SS18: variants seen among roughly 807,000 people sequenced by gnomAD.
SS18 encodes SS18 subunit of BAF chromatin remodeling complex.
A neutral mutation model predicts 72.5 loss-of-function variants in SS18; 28 were observed. That is an observed-to-expected ratio of 0.39 (90% CI 0.29 to 0.53). The LOEUF is 0.53. SS18 is among the 20% of genes least tolerant of loss of function. The pLI is 0.76. For missense variants in SS18, 518 were observed against 535.3 expected (o/e 0.97, Z 0.32); for synonymous variants, 172 against 164.2 (o/e 1.05, Z -0.37).
intron 10 of SS18, among the ~76,000 whole-genome samples, chr18:26,023,816 G>C (rs1036680474): frequency 1.3e-5 from 2 of 150,472 alleles, no homozygotes; most frequent in African/African-American, 5.0e-5. Context: ...ACCAAAAACG[G>C]TAACTACATG....
intron 5 of SS18, among the ~76,000 whole-genome samples, chr18:26,040,350 G>A (rs2053702227): frequency 6.6e-6 from 1 of 152,098 alleles, no homozygotes; most frequent in African/African-American, 2.4e-5. Context: ...AGGTTTACTG[G>A]GCCAAGTTAC....
At chr18:26,071,588 T>G (rs916444513) in intron 3 of SS18, among the ~76,000 whole-genome samples, 7 of 152,120 alleles carry the variant, frequency 4.6e-5, no homozygotes, top group African/African-American at 1.7e-4. Flanking sequence ...CCCAGAACTT[T>G]GGGAGGCCAA....
chr18:26,051,153 T>A (rs1259388313), intron 5 of SS18, among the ~76,000 whole-genome samples: 1 of 152,150 alleles, frequency 6.6e-6, no homozygotes, highest in Non-Finnish European at 1.5e-5. Context: ...CTGGGCAACA[T>A]ACCAAGACAT....
intron 10 of SS18, among the ~76,000 whole-genome samples, chr18:26,025,995 A>C (rs2053439188): frequency 6.6e-6 from 1 of 152,226 alleles, no homozygotes; most frequent in South Asian, 2.1e-4. Flanking sequence ...GTAATTTATT[A>C]AACACTGCAC....
intron 2 of SS18, chr18:26,083,984 G>A (rs768750971): frequency 3.9e-5 from 6 of 152,076 alleles, no homozygotes; most frequent in Non-Finnish European, 7.4e-5. Flanking sequence ...CTAGCACTCA[G>A]ATCTTAGTTT....
At chr18:26,056,993 A>G (rs912857005) in intron 4 of SS18, among the ~76,000 whole-genome samples, 3 of 152,372 alleles carry the variant, frequency 2.0e-5, no homozygotes, top group Admixed American at 6.5e-5. Flanking sequence ...AGAATGGCTC[A>G]GTGTATAAAT....
chr18:26,090,428 C>G lies in SS18; in HGVS notation c.69+73G>C, dbSNP rs1040706619. The G allele has an allele frequency of 4.7e-6, 7 of 1,475,570 alleles. No homozygotes were observed. The African/African-American group carries it at 9.8e-5, about 21-fold the overall frequency. The allele number at this position is 1,475,570 out of a possible 1,614,324, so 91.4% of individuals were successfully genotyped here. ...GCCTCGGCCCGGTCGACTCCGGGCC[C>G]GGCCCTTCCCCCCGCGTCTGTCTCT... On this transcript the variant is annotated intron_variant, in intron 1 of 10. Coordinates refer to ENST00000415083, the MANE Select transcript of SS18 (RefSeq NM_001007559.3).
rs143271099 is a variant in SS18, at chr18:26,032,120, T to G, written c.1230+279A>C. Among the ~76,000 whole-genome samples the G allele has an allele frequency of 7.8e-3, 1,184 of 152,112 alleles. 11 individuals are homozygous for G. Among genetic ancestry groups the G allele is most frequent in the African/African-American group, 0.026 (1,086 of 41,496 alleles). Reference sequence around the variant, plus strand: ...TCAGTAAACAAAGTATGCCTGAGGGTAAAGACCACAGAGCAAGAGGGGGAG... The same window carrying G: ...TCAGTAAACAAAGTATGCCTGAGGGGAAAGACCACAGAGCAAGAGGGGGAG... On this transcript the variant is annotated intron_variant, in intron 10 of 10. Coordinates refer to ENST00000415083, the MANE Select transcript of SS18 (RefSeq NM_001007559.3).
chr18:26,085,807 A>G (rs1391870542), intron 2 of SS18: 1 of 152,222 alleles, frequency 6.6e-6, no homozygotes, highest in Admixed American at 6.5e-5. Flanking sequence ...GGGAAAAAGT[A>G]ATGGAAACTT....
intron 10 of SS18, among the ~76,000 whole-genome samples, chr18:26,021,973 C>T (rs1444653727): frequency 6.6e-6 from 1 of 151,994 alleles, no homozygotes; most frequent in Non-Finnish European, 1.5e-5. Context: ...GAACTGAGAC[C>T]TTGTGAATAA....
At chr18:26,085,665 AC>A (rs2054602722) in intron 2 of SS18, among the ~76,000 whole-genome samples, 1 of 152,204 alleles carries the variant, frequency 6.6e-6, no homozygotes, top group Non-Finnish European at 1.5e-5. Flanking sequence ...AGAAGCAGTT[AC>A]CCCTATGGAG....
Position 26,052,849 on chromosome 18 carries a change from T to A in SS18, c.386-4A>T. ...TGCATAGGCATATGGTTAGGCCCTT[T>A]GAAGAAAAATGATCAGAAGCAAAAT... is the stretch of plus-strand genomic sequence containing the variant. On this transcript the variant is annotated splice_region_variant and splice_polypyrimidine_tract_variant and intron_variant, in intron 4 of 10. Coordinates refer to ENST00000415083, the MANE Select transcript of SS18 (RefSeq NM_001007559.3). The A allele has an allele frequency of 6.2e-7, 1 of 1,609,190 alleles. No homozygotes were observed. Among genetic ancestry groups the A allele is most frequent in the Non-Finnish European group, 8.5e-7 (1 of 1,176,104 alleles).
rs569501863 is a variant in SS18 at position 26,059,593 on chromosome 18, A to C, written c.232-1851T>G. Among the ~76,000 whole-genome samples, 37 of 152,152 alleles carry C rather than the reference A, an allele frequency of 2.4e-4. No homozygotes were observed. In the South Asian group the frequency reaches 6.2e-3, roughly 26 times the overall value. On this transcript the variant is annotated intron_variant, in intron 3 of 10. Transcript: ENST00000415083. ...AGAGGAGCCTTCATAAATAACTCCAACTCTCTGTTGAGACTACAGAAGGGC... is the reference window on the plus strand; with the variant it reads ...AGAGGAGCCTTCATAAATAACTCCACCTCTCTGTTGAGACTACAGAAGGGC...
At chr18:26,090,783 G>A, upstream of SS18, 2 of 594,426 alleles carry the variant, frequency 3.4e-6, no homozygotes, top group Non-Finnish European at 5.9e-6. Context: ...CCTAGCCCTG[G>A]CCGAACTTTC....
At chr18:26,088,081 T>C (rs2054647758) in intron 1 of SS18, among the ~76,000 whole-genome samples, 7 of 152,204 alleles carry the variant, frequency 4.6e-5, no homozygotes, top group Non-Finnish European at 1.0e-4. Context: ...AAAATCTTAC[T>C]TTTACACCTT....
At chr18:26,032,274 G>A (rs2053556635) in intron 10 of SS18, 125 bp downstream of exon 10, 2 of 1,108,938 alleles carry the variant, frequency 1.8e-6, no homozygotes, top group Middle Eastern at 2.1e-4. Context: ...GTTAACAAAT[G>A]TACCATAAAC....
chr18:26,072,046 T>C (rs2054319141), intron 3 of SS18, among the ~76,000 whole-genome samples: 1 of 152,018 alleles, frequency 6.6e-6, no homozygotes, highest in Non-Finnish European at 1.5e-5. Context: ...ACTATGTGGA[T>C]GATCTAATGA....
At chr18:26,087,648 G>T in intron 1 of SS18, 71 bp from the exon 2 acceptor site, 1 of 872,940 alleles carries the variant, frequency 1.1e-6, no homozygotes. Flanking sequence ...AGAAAATTCA[G>T]AAAGGGAGGG....
At chr18:26,090,154 G>C (rs577224928) in intron 1 of SS18, 252 of 279,238 alleles carry the variant, frequency 9.0e-4, no homozygotes, top group Non-Finnish European at 1.3e-3. Flanking sequence ...AGCAACGCGC[G>C]GGGCCGCCGG....
Sources: allele counts gnomAD v4.1 joint callset (sites outside exome capture counted in the v4.1 genomes callset), GRCh38; gene constraint gnomAD v4.1.1; transcripts MANE v1.5; gene names NCBI Gene and HGNC (gene_info 2026-07-23, HGNC 2026-07-21).